The following NTNG1 variants were observed in gnomAD, a reference collection of about 807,000 sequenced individuals.
NTNG1 encodes netrin-G1.
A neutral mutation model predicts 54.0 loss-of-function variants in NTNG1; 16 were observed. That is an observed-to-expected ratio of 0.30 (90% CI 0.20 to 0.45). The LOEUF (loss-of-function observed/expected upper bound fraction) is 0.45. Among genes scored for constraint, NTNG1 ranks in the 20% least tolerant of loss-of-function variants. NTNG1 has a pLI of 1.00. For missense variants in NTNG1, 530 were observed against 678.7 expected (o/e 0.78, Z 2.43); for synonymous variants, 255 against 263.1 (o/e 0.97, Z 0.30).
At chr1:107,204,371 G>T (rs1231144582) in intron 2 of NTNG1, among the ~76,000 whole-genome samples, 1 of 152,034 alleles carries the variant, frequency 6.6e-6, no homozygotes, top group Non-Finnish European at 1.5e-5. Flanking sequence ...TCAGTTTCTG[G>T]ATACTTCTTA....
intron 3 of NTNG1, among the ~76,000 whole-genome samples, chr1:107,358,764 A>G (rs1670090425): frequency 6.6e-6 from 1 of 152,124 alleles, no homozygotes; most frequent in Admixed American, 6.6e-5. Flanking sequence ...TACCCTTCAG[A>G]CATTACAAAC....
chr1:107,191,907 G>A (rs1364570644), intron 2 of NTNG1, among the ~76,000 whole-genome samples: 1 of 152,112 alleles, frequency 6.6e-6, no homozygotes, highest in Non-Finnish European at 1.5e-5. Flanking sequence ...ACTTGGCGAT[G>A]CGGGCTCTAT....
chr1:107,250,279 C>G (rs925686237), intron 2 of NTNG1, among the ~76,000 whole-genome samples: 1 of 152,154 alleles, frequency 6.6e-6, no homozygotes, highest in African/African-American at 2.4e-5. Flanking sequence ...GAAAATGATA[C>G]ACACCAAATT....
Position 107,324,267 on chromosome 1 carries a change from G to T in NTNG1, c.247-15G>T, listed in dbSNP as rs765725636. 8.7e-6 allele frequency: 14 copies of T among 1,607,726 alleles called. No homozygotes were observed. The African/African-American group carries it at 1.5e-4, about 17-fold the overall frequency. On this transcript the variant is annotated splice_polypyrimidine_tract_variant and intron_variant, in intron 2 of 7. Transcript: ENST00000370068. ...CCAGTGTTTTGATGCACGCTCTTTT[G>T]TTCTTCTTCCATAGGGCAATCCCTA...
intron 1 of NTNG1, among the ~76,000 whole-genome samples, chr1:107,146,654 A>G (rs1043418005): frequency 1.3e-5 from 2 of 152,088 alleles, no homozygotes; most frequent in African/African-American, 2.4e-5. Context: ...TAGGAACTCA[A>G]ATATTCAACA....
intron 2 of NTNG1, among the ~76,000 whole-genome samples, chr1:107,321,100 A>G (rs569422557): frequency 6.6e-5 from 10 of 152,184 alleles, no homozygotes; most frequent in South Asian, 4.1e-4. Flanking sequence ...TAAAATTACA[A>G]TCACCATTGC....
chr1:107,369,479 T>G (rs1317027938), intron 3 of NTNG1, among the ~76,000 whole-genome samples: 1 of 152,172 alleles, frequency 6.6e-6, no homozygotes, highest in Non-Finnish European at 1.5e-5. Flanking sequence ...GGATTTTAAT[T>G]GGCACTTTAC....
At chr1:107,310,712 G>T (rs551389616) in intron 2 of NTNG1, among the ~76,000 whole-genome samples, 9 of 152,028 alleles carry the variant, frequency 5.9e-5, no homozygotes, top group Non-Finnish European at 1.0e-4. Context: ...AGAAAATCTT[G>T]GGGGGGAAAG....
At chr1:107,366,370 T>C (rs1211251344) in intron 3 of NTNG1, among the ~76,000 whole-genome samples, 1 of 152,178 alleles carries the variant, frequency 6.6e-6, no homozygotes, top group African/African-American at 2.4e-5. Context: ...ACTGAACAGA[T>C]GTAAGGGCAC....
At chr1:107,328,009 A>G (rs955487279) in intron 3 of NTNG1, among the ~76,000 whole-genome samples, 4 of 152,072 alleles carry the variant, frequency 2.6e-5, no homozygotes, top group African/African-American at 9.7e-5. Flanking sequence ...TCTGATACCT[A>G]TTTTACTAGT....
chr1:107,311,834 C>T (rs1265494512), intron 2 of NTNG1, among the ~76,000 whole-genome samples: 1 of 152,148 alleles, frequency 6.6e-6, no homozygotes, highest in Non-Finnish European at 1.5e-5. Context: ...TGATGAATTG[C>T]ATGATGGTGC....
In NTNG1 at chr1:107,436,663, A is replaced by G. The variant is rs752776025; in HGVS notation, c.1256-2A>G. 4 of 1,612,362 alleles carry G rather than the reference A, an allele frequency of 2.5e-6. No homozygotes were observed. The highest frequency in any genetic ancestry group is 1.7e-4 in the Middle Eastern group (1 of 6,054). ...AGCCTGTGTGTTGTCTTGTTTCTAC[A>G]GAGTGTTATTGTAACCCTTTGGGCT... On this transcript the variant is annotated splice_acceptor_variant, in intron 6 of 7. Coordinates refer to ENST00000370068, the MANE Select transcript of NTNG1 (RefSeq NM_001113226.3). LOFTEE classifies it high-confidence loss of function.
At chr1:107,287,001 A>T (rs1342103596) in intron 2 of NTNG1, among the ~76,000 whole-genome samples, 2 of 152,186 alleles carry the variant, frequency 1.3e-5, no homozygotes, top group African/African-American at 2.4e-5. Flanking sequence ...AAAACTTTGT[A>T]AATCATGTGC....
chr1:107,380,712 C>T (rs1671590793), intron 3 of NTNG1, among the ~76,000 whole-genome samples: 1 of 152,150 alleles, frequency 6.6e-6, no homozygotes, highest in African/African-American at 2.4e-5. Flanking sequence ...GAGCTTACTG[C>T]ACACCAGGCG....
At chr1:107,213,758 C>T (rs1433127316) in intron 2 of NTNG1, among the ~76,000 whole-genome samples, 2 of 152,016 alleles carry the variant, frequency 1.3e-5, no homozygotes, top group Non-Finnish European at 2.9e-5. Flanking sequence ...AATAAATCTG[C>T]CTTTGAAAGT....
intron 7 of NTNG1, among the ~76,000 whole-genome samples, chr1:107,442,609 G>C (rs1676035574): frequency 1.4e-5 from 2 of 142,882 alleles, no homozygotes; most frequent in Admixed American, 1.4e-4. Context: ...TTACATTAAA[G>C]CTCAATTTTA....
chr1:107,206,805 T>C (rs950656769), intron 2 of NTNG1, among the ~76,000 whole-genome samples: 1 of 152,150 alleles, frequency 6.6e-6, no homozygotes, highest in African/African-American at 2.4e-5. Flanking sequence ...CAGAGACAAT[T>C]CTTTTACTCA....
chr1:107,305,912 A>G (rs575418868), intron 2 of NTNG1, among the ~76,000 whole-genome samples: 2 of 152,134 alleles, frequency 1.3e-5, no homozygotes, highest in Admixed American at 6.5e-5. Flanking sequence ...CTATGTTGTT[A>G]TTTAATATTT....
At chr1:107,154,360 T>C (rs923288225) in intron 2 of NTNG1, among the ~76,000 whole-genome samples, 1 of 151,840 alleles carries the variant, frequency 6.6e-6, no homozygotes, top group African/African-American at 2.4e-5. Context: ...ATCCCAGCAC[T>C]TTGAGAGGCT....
Sources: gnomAD v4.1 joint callset for allele counts (sites outside exome capture counted in the v4.1 genomes callset) on GRCh38, gnomAD v4.1.1 for gene constraint, MANE v1.5 for transcripts, NCBI Gene and HGNC (gene_info 2026-07-23, HGNC 2026-07-21) for gene names.